The following ZFP92 variants were observed in gnomAD, a reference collection of about 807,000 sequenced individuals.
The protein encoded by ZFP92 is ZFP92 zinc finger protein, also known as zinc finger protein 92 homolog.
Under a neutral mutation model 7.6 loss-of-function variants are expected in ZFP92, and 2 were observed. That is an observed-to-expected ratio of 0.26 (90% confidence interval 0.11 to 0.83). The LOEUF is 0.83. Among genes scored for constraint, ZFP92 ranks in the 40% least tolerant of loss-of-function variants. The pLI, the probability that ZFP92 is intolerant of heterozygous loss-of-function variation, is 0.65. For synonymous variants in ZFP92, 226 were observed against 183.6 expected, an observed-to-expected ratio of 1.23 and a Z score of -1.87; for missense variants, 324 against 408.3, an observed-to-expected ratio of 0.79 and a Z score of 1.78.
Position 153,421,378 on chromosome X carries a change from G to A in ZFP92, c.1001G>A (p.Gly334Asp). Residue 334 changes from glycine to aspartate, a missense_variant, in exon 6 of 6, where the codon GGC becomes GAC. Physicochemically the swap from Gly to Asp is moderately conservative, Grantham distance 94. Coordinates refer to ENST00000338647, the MANE Select transcript of ZFP92 (RefSeq NM_001136273.2). ...ECGKAFRGRSGLSQHRRVHSG... is the reference protein window; with the variant it reads ...ECGKAFRGRSDLSQHRRVHSG... The stretch of plus-strand genomic sequence containing the variant: ...GGCAAGGCCTTCCGTGGCCGTTCGG[G>A]CCTCAGCCAGCACCGGCGCGTGCAC... 2 of 1,158,106 alleles carry A rather than the reference G, an allele frequency of 1.7e-6. No individual in the cohort carries two copies. Among genetic ancestry groups the A allele is most frequent in the Admixed American group, 2.6e-5 (1 of 38,794 alleles).
Position 153,421,179 on chromosome X carries a change from G to A in ZFP92, c.802G>A (p.Glu268Lys). The change falls in exon 6 of 6, where the codon GAG becomes AAG. Residue 268 changes from glutamate (E) to lysine (K), a missense_variant. Transcript: ENST00000338647. ...CGGCGAGCGGCCCTACGCGTGCCCA[G>A]AGTGCGGCAAGGCCTTCAGCCGCAG... ...HSGERPYACP[E>K]CGKAFSRSSN... 8.4e-7 allele frequency: 1 copy of A among 1,184,175 alleles called. No homozygotes were observed. Among genetic ancestry groups the A allele is most frequent in the East Asian group, 3.1e-5 (1 of 32,061 alleles).
At chrX:153,412,526 G>T (rs1556973143) in intron 2 of ZFP92, among the ~76,000 whole-genome samples, 5 of 112,516 alleles carry the variant, frequency 4.4e-5, no homozygotes, top group Non-Finnish European at 9.4e-5. Flanking sequence ...GGGAAGGGAG[G>T]TCTGGTTGCC....
In ZFP92 at chrX:153,421,113, C is replaced by T. The variant is rs1556974976; in HGVS notation, c.736C>T (p.Arg246Cys). ...CTGCGGCGACTGCGGCAAACTGTTCCGCCGCAGCTTCGCGCTCCTGGAGCA... is the reference window on the plus strand; with the variant it reads ...CTGCGGCGACTGCGGCAAACTGTTCTGCCGCAGCTTCGCGCTCCTGGAGCA... ...FACGDCGKLF[R>C]RSFALLEHAR... is the part of the protein sequence containing the mutation. Residue 246 changes from arginine (R) to cysteine (C), a missense_variant, in exon 6 of 6, where the codon CGC (arginine) becomes TGC (cysteine). Physicochemically the swap from Arg to Cys is radical, Grantham distance 180. Transcript: ENST00000338647. 1.7e-6 allele frequency: 2 copies of T among 1,174,339 alleles called. No homozygotes were observed. The highest frequency in any genetic ancestry group is 1.1e-6 in the Non-Finnish European group (1 of 877,431).
chrX:153,420,857 C>T lies in ZFP92; in HGVS notation c.480C>T (p.Ala160=), dbSNP rs782365323. 6.8e-6 allele frequency: 8 copies of T among 1,184,345 alleles called. No individual in the cohort carries two copies. In the South Asian group the frequency reaches 1.1e-4, roughly 16 times the overall value. ...KRYLCQQCGK[A]FSRSSNLIKH... is the part of the protein sequence containing the mutation. ...ACCTGTGCCAGCAGTGTGGGAAGGC[C>T]TTCAGCCGCAGCTCCAACCTCATCA... The change falls in exon 6 of 6, where the codon GCC becomes GCT. Residue 160 remains alanine (A), a synonymous_variant. Coordinates refer to ENST00000338647, the MANE Select transcript of ZFP92 (RefSeq NM_001136273.2).
At chrX:153,414,867 G>A (rs993661253) in intron 2 of ZFP92, among the ~76,000 whole-genome samples, 3 of 111,063 alleles carry the variant, frequency 2.7e-5, no homozygotes, top group Admixed American at 1.9e-4. Context: ...TGTTTTATGA[G>A]AGTTAAAGGT....
rs1484444837 is a variant in ZFP92, at chrX:153,426,382, G to A, written c.*4754G>A. On this transcript the variant is annotated 3_prime_UTR_variant, in exon 6 of 6. Coordinates refer to ENST00000338647, the MANE Select transcript of ZFP92 (RefSeq NM_001136273.2). ...ATTGTTGGTAGGATCCCATTGTATGGGTGGACCACAATACCTGTTGAATAC... is the reference window on the plus strand; with the variant it reads ...ATTGTTGGTAGGATCCCATTGTATGAGTGGACCACAATACCTGTTGAATAC... 1 of 111,003 alleles carries A rather than the reference G, an allele frequency of 9.0e-6. No homozygotes were observed. Among genetic ancestry groups the A allele is most frequent in the African/African-American group, 3.3e-5 (1 of 30,438 alleles). 9.1% of individuals were successfully genotyped at this position (111,003 alleles called of 1,213,427 possible). A position where few individuals can be genotyped will look rare whatever the true frequency, so the allele number is the denominator to read the frequency against.
Position 153,421,539 on chromosome X carries a change from G to A in ZFP92, c.1162G>A (p.Gly388Arg). 9.0e-7 allele frequency: 1 copy of A among 1,113,058 alleles called. No individual in the cohort carries two copies. Among genetic ancestry groups the A allele is most frequent in the African/African-American group, 1.9e-5 (1 of 52,805 alleles). 91.7% of individuals were successfully genotyped at this position (1,113,058 alleles called of 1,213,427 possible). A position where few individuals can be genotyped will look rare whatever the true frequency, so the allele number is the denominator to read the frequency against. Residue 388 changes from glycine to arginine, a missense_variant, in exon 6 of 6, where the codon GGG becomes AGG. Coordinates refer to ENST00000338647, the MANE Select transcript of ZFP92 (RefSeq NM_001136273.2). ...AETARRLAGP[G>R]STGPGSAVAA... ...GACGGCGCGGAGGCTAGCGGGCCCT[G>A]GGAGCACCGGCCCTGGGAGCGCGGT... is the stretch of plus-strand genomic sequence containing the variant.
At chrX:153,417,675 G>C (rs922682907) in intron 2 of ZFP92, among the ~76,000 whole-genome samples, 7 of 111,956 alleles carry the variant, frequency 6.3e-5, no homozygotes, top group Non-Finnish European at 1.1e-4. Context: ...AGCCTGGTCA[G>C]GCGAGCGCCA....
intron 3 of ZFP92, 148 bp downstream of exon 3, chrX:153,418,503 T>G (rs782082113): frequency 2.0e-6 from 2 of 977,794 alleles, no homozygotes; most frequent in East Asian, 6.8e-5. Flanking sequence ...GCTTCCTGCC[T>G]CTGTCGGCTG....
chrX:153,417,356 C>A (rs782149578), intron 2 of ZFP92, among the ~76,000 whole-genome samples: 2 of 112,467 alleles, frequency 1.8e-5, no homozygotes, highest in African/African-American at 6.5e-5. Flanking sequence ...TGGCTGGCTA[C>A]TCTCTTTGCC....
chrX:153,424,798 A>G lies in ZFP92; in HGVS notation c.*3170A>G, dbSNP rs782273375. 1 of 113,008 alleles carries G rather than the reference A, an allele frequency of 8.8e-6. No homozygotes were observed. The highest frequency in any genetic ancestry group is 3.6e-4 in the South Asian group (1 of 2,748). 9.3% of individuals were successfully genotyped at this position (113,008 alleles called of 1,213,427 possible). A position where few individuals can be genotyped will look rare whatever the true frequency, so the allele number is the denominator to read the frequency against. ...ACTGTCCCATTTACTTTGGTTGCAA[A>G]TAAGGAAGATGTATGAGTATTGGCC... is the stretch of plus-strand genomic sequence containing the variant. On this transcript the variant is annotated 3_prime_UTR_variant, in exon 6 of 6. Coordinates refer to ENST00000338647, the MANE Select transcript of ZFP92 (RefSeq NM_001136273.2).
intron 2 of ZFP92, among the ~76,000 whole-genome samples, chrX:153,417,968 T>C (rs2088966964): frequency 8.9e-6 from 1 of 111,789 alleles, no homozygotes; most frequent in African/African-American, 3.3e-5. Flanking sequence ...GAAGGATTGC[T>C]GGAAACCACC....
rs1035964839 is a variant in ZFP92, at chrX:153,425,935, G to A, written c.*4307G>A. ...CCAAATTAGAGCCTTCTCCACCGCCGGGGAATATTCATGTGGGAAATGGAG... is the reference window on the plus strand; with the variant it reads ...CCAAATTAGAGCCTTCTCCACCGCCAGGGAATATTCATGTGGGAAATGGAG... On this transcript the variant is annotated 3_prime_UTR_variant, in exon 6 of 6. Transcript: ENST00000338647. 2 of 111,703 alleles carry A rather than the reference G, an allele frequency of 1.8e-5. No homozygotes were observed. Among genetic ancestry groups the A allele is most frequent in the African/African-American group, 6.5e-5 (2 of 30,696 alleles). The allele number at this position is 111,703 out of a possible 1,213,427, so 9.2% of individuals were successfully genotyped here.
intron 2 of ZFP92, among the ~76,000 whole-genome samples, chrX:153,412,405 C>T (rs1418066403): frequency 8.9e-6 from 1 of 112,560 alleles, no homozygotes; most frequent in Non-Finnish European, 1.9e-5. Context: ...AGGGACACGG[C>T]GGTAGTAAGC....
intron 2 of ZFP92, among the ~76,000 whole-genome samples, chrX:153,414,795 C>A (rs113144468): frequency 4.5e-5 from 5 of 111,859 alleles, no homozygotes; most frequent in African/African-American, 9.8e-5. Context: ...CCCATCCCCC[C>A]ACCCCCGGGC....
chrX:153,414,740 C>A (rs916207551), intron 2 of ZFP92, among the ~76,000 whole-genome samples: 2 of 112,227 alleles, frequency 1.8e-5, no homozygotes, highest in Non-Finnish European at 3.8e-5. Flanking sequence ...CCAGAACATT[C>A]TCATCGCCCC....
At position 153,421,064 on chromosome X, in the gene ZFP92, C is replaced by T; in HGVS notation, c.687C>T (p.Ile229=). 1.7e-6 allele frequency: 2 copies of T among 1,189,836 alleles called. No homozygotes were observed. Among genetic ancestry groups the T allele is most frequent in the Non-Finnish European group, 1.1e-6 (1 of 884,412 alleles). ...CCAACCTCATCAAGCACCAGGTCAT[C>T]CACAGCGGCGAGCGGCCCTTCGCCT... The part of the protein sequence containing the change: ...RSSNLIKHQV[I]HSGERPFACG... Residue 229 remains isoleucine (I), a synonymous_variant, in exon 6 of 6, where the codon ATC becomes ATT. Transcript: ENST00000338647.
intron 2 of ZFP92, among the ~76,000 whole-genome samples, chrX:153,412,305 C>T (rs1344430275): frequency 8.9e-6 from 1 of 112,097 alleles, no homozygotes; most frequent in East Asian, 2.8e-4. Flanking sequence ...CTGAGCTGGG[C>T]AGAAAGCGGC....
At chrX:153,416,223 G>A (rs1439171069) in intron 2 of ZFP92, among the ~76,000 whole-genome samples, 3 of 111,484 alleles carry the variant, frequency 2.7e-5, no homozygotes, top group Non-Finnish European at 5.7e-5. Flanking sequence ...GCTTTGGTAG[G>A]ATACCTTCCT....
Sources: gnomAD v4.1 joint callset for allele counts (sites outside exome capture counted in the v4.1 genomes callset) on GRCh38, gnomAD v4.1.1 for gene constraint, MANE v1.5 for transcripts, NCBI Gene and HGNC (gene_info 2026-07-23, HGNC 2026-07-21) for gene names.